The following SLIT3 variants were observed in gnomAD, a reference collection of about 807,000 sequenced individuals.
SLIT3 encodes the protein slit guidance ligand 3.
In SLIT3, 68 loss-of-function variants were observed where a neutral mutation model predicts 184.0. The ratio of observed to expected loss-of-function variants is 0.37; its 90% CI spans 0.30 to 0.45. The LOEUF is 0.45. Ranked by LOEUF, SLIT3 falls within the 20% of genes least tolerant of loss-of-function variation. SLIT3 has a pLI of 1.00. For synonymous variants in SLIT3, 831 were observed against 828.6 expected (o/e 1.00, Z -0.05); for missense variants, 1,707 against 2,026.0 (o/e 0.84, Z 3.02).
chr5:169,064,665 G>T (rs1043250472), intron 4 of SLIT3, among the ~76,000 whole-genome samples: 4 of 152,138 alleles, frequency 2.6e-5, no homozygotes, highest in African/African-American at 9.7e-5. Flanking sequence ...TAAGTCTCTT[G>T]TGACTGCAGC....
chr5:168,845,123 T>C (rs1758412989), intron 5 of SLIT3, among the ~76,000 whole-genome samples: 1 of 152,148 alleles, frequency 6.6e-6, no homozygotes, highest in African/African-American at 2.4e-5. Context: ...TCTTCTGCTC[T>C]GACACAGTGC....
intron 12 of SLIT3, among the ~76,000 whole-genome samples, chr5:168,782,881 G>C (rs1433674951): frequency 6.6e-6 from 1 of 152,154 alleles, no homozygotes; most frequent in Non-Finnish European, 1.5e-5. Flanking sequence ...ATGGCCGCAG[G>C]AACTGAACGT....
intron 3 of SLIT3, among the ~76,000 whole-genome samples, chr5:169,224,353 T>C (rs918200731): frequency 4.1e-5 from 6 of 147,740 alleles, no homozygotes; most frequent in African/African-American, 1.2e-4. Context: ...GGTTTGTCCA[T>C]TTAAAATTTT....
intron 4 of SLIT3, among the ~76,000 whole-genome samples, chr5:169,135,186 A>C (rs1349650391): frequency 1.3e-5 from 2 of 152,174 alleles, no homozygotes; most frequent in African/African-American, 2.4e-5. Flanking sequence ...AGCTCATTGC[A>C]ATCTCCACCT....
intron 5 of SLIT3, among the ~76,000 whole-genome samples, chr5:168,874,504 A>G (rs970899654): frequency 6.6e-6 from 1 of 152,238 alleles, no homozygotes; most frequent in Admixed American, 6.5e-5. Context: ...CCTTTTACGT[A>G]ACTTACAGGC....
At chr5:168,677,347 G>A (rs183877259) in intron 32 of SLIT3, among the ~76,000 whole-genome samples, 1 of 152,244 alleles carries the variant, frequency 6.6e-6, no homozygotes, top group East Asian at 1.9e-4. Flanking sequence ...TGCAATCATC[G>A]CTCACTGCAG....
chr5:169,193,845 C>G (rs1440575828), intron 3 of SLIT3, among the ~76,000 whole-genome samples: 7 of 152,302 alleles, frequency 4.6e-5, no homozygotes, highest in African/African-American at 1.4e-4. Context: ...ATATTCCTTC[C>G]CATGGACTCC....
intron 4 of SLIT3, among the ~76,000 whole-genome samples, chr5:168,977,190 G>C (rs188753371): frequency 1.3e-5 from 2 of 152,156 alleles, no homozygotes; most frequent in African/African-American, 4.8e-5. Context: ...AATGATGGGG[G>C]GATGGGTGTA....
intron 1 of SLIT3, among the ~76,000 whole-genome samples, chr5:169,272,788 G>A (rs961597616): frequency 6.6e-6 from 1 of 152,222 alleles, no homozygotes; most frequent in African/African-American, 2.4e-5. Flanking sequence ...ATTGGCTCCA[G>A]TAAAATTGAG....
At chr5:169,245,628 A>T (rs936602403) in intron 2 of SLIT3, among the ~76,000 whole-genome samples, 1 of 152,128 alleles carries the variant, frequency 6.6e-6, no homozygotes, top group African/African-American at 2.4e-5. Flanking sequence ...TGATTGGAGA[A>T]TGTTTCTTTA....
At chr5:169,047,658 C>T (rs986713036) in intron 4 of SLIT3, among the ~76,000 whole-genome samples, 12 of 152,090 alleles carry the variant, frequency 7.9e-5, no homozygotes, top group African/African-American at 2.2e-4. Context: ...CAAACTCCCC[C>T]GACTACACTG....
At chr5:168,838,928 G>C (rs1758148980) in intron 6 of SLIT3, among the ~76,000 whole-genome samples, 1 of 152,154 alleles carries the variant, frequency 6.6e-6, no homozygotes, top group Admixed American at 6.5e-5. Context: ...CAGTACACCA[G>C]TTGATCCAGG....
At chr5:169,273,651 G>A (rs959254953) in intron 1 of SLIT3, among the ~76,000 whole-genome samples, 1 of 150,992 alleles carries the variant, frequency 6.6e-6, no homozygotes, top group Admixed American at 6.6e-5. Flanking sequence ...CATTGTTGGA[G>A]GTGAACGGCA....
intron 9 of SLIT3, among the ~76,000 whole-genome samples, chr5:168,801,483 C>T (rs775471098): frequency 1.4e-4 from 21 of 152,130 alleles, no homozygotes; most frequent in South Asian, 4.1e-4. Context: ...TGACTGGACA[C>T]GGAAGCCTGT....
chr5:168,706,263 A>G (rs944097959), intron 26 of SLIT3, among the ~76,000 whole-genome samples: 1 of 151,552 alleles, frequency 6.6e-6, no homozygotes, highest in Admixed American at 6.5e-5. Flanking sequence ...ATTACTGTAC[A>G]TTTGATTCTT....
chr5:168,732,608 G>C (rs1763321103), intron 20 of SLIT3, among the ~76,000 whole-genome samples: 1 of 151,960 alleles, frequency 6.6e-6, no homozygotes, highest in African/African-American at 2.4e-5. Context: ...GCACAGTACT[G>C]GTATAAAAAT....
rs375394267 is a variant in SLIT3, at chr5:168,666,475, G to A, written c.4551C>T (p.Cys1517=). The A allele has an allele frequency of 3.3e-5, 52 of 1,582,904 alleles. No homozygotes were observed. Among genetic ancestry groups the A allele is most frequent in the South Asian group, 2.5e-4 (22 of 87,622 alleles). ...GGGCTTAGGAACACGCGAGGCAGCC[G>A]CACTCTAAGTGTCTCTCCACCTCTT... is the stretch of plus-strand genomic sequence containing the variant. The part of the protein sequence containing the change: ...FVEEVERHLE[C]GCLACS Residue 1517 remains cysteine, a synonymous_variant, in exon 36 of 36, where the codon TGC becomes TGT. Transcript: ENST00000519560.
At chr5:169,277,666 C>T (rs575072454) in intron 1 of SLIT3, among the ~76,000 whole-genome samples, 2 of 152,274 alleles carry the variant, frequency 1.3e-5, no homozygotes, top group East Asian at 3.9e-4. Context: ...TTTATAGACA[C>T]TTGGGGTTTT....
chr5:169,170,017 C>T (rs1762767021), intron 4 of SLIT3, among the ~76,000 whole-genome samples: 2 of 152,196 alleles, frequency 1.3e-5, no homozygotes, highest in Admixed American at 1.3e-4. Context: ...ATAGTCCCTT[C>T]AGGCAAAAGG....
Sources: allele counts gnomAD v4.1 joint callset (sites outside exome capture counted in the v4.1 genomes callset), GRCh38; gene constraint gnomAD v4.1.1; transcripts MANE v1.5; gene names NCBI Gene and HGNC (gene_info 2026-07-23, HGNC 2026-07-21).